Variants in VMP1 observed in about 807,000 individuals in gnomAD.
The protein encoded by VMP1 is ectopic P-granules autophagy protein 3 homolog.
VMP1 carries 11 observed loss-of-function variants against 56.0 expected under a neutral mutation model. The observed-to-expected ratio is 0.20, with a 90% CI of 0.12 to 0.32. The LOEUF is 0.32. Ranked by LOEUF, VMP1 falls within the 10% of genes least tolerant of loss-of-function variation. VMP1 has a pLI of 1.00. For synonymous variants in VMP1, 149 were observed against 165.0 expected, an observed-to-expected ratio of 0.90 and a Z score of 0.74; for missense variants, 296 against 490.3, an observed-to-expected ratio of 0.60 and a Z score of 3.74.
At chr17:59,741,536 CAA>C (rs2035225560) in intron 5 of VMP1, among the ~76,000 whole-genome samples, 1 of 152,068 alleles carries the variant, frequency 6.6e-6, no homozygotes, top group East Asian at 1.9e-4. Context: ...GAAGTACAAT[CAA>C]GAGTGTGGTA....
intron 10 of VMP1, among the ~76,000 whole-genome samples, chr17:59,825,291 C>G (rs2038611815): frequency 1.3e-5 from 2 of 151,694 alleles, no homozygotes; most frequent in Admixed American, 1.3e-4. Context: ...CTAGGCTGGT[C>G]TCAAACTCCT....
intron 9 of VMP1, among the ~76,000 whole-genome samples, chr17:59,813,305 C>T (rs940886806): frequency 6.6e-6 from 1 of 151,982 alleles, no homozygotes. Flanking sequence ...TGGCCAGATG[C>T]GGTGGCTCAC....
At chr17:59,812,572 A>T (rs558905652) in intron 9 of VMP1, among the ~76,000 whole-genome samples, 1 of 152,354 alleles carries the variant, frequency 6.6e-6, no homozygotes, top group South Asian at 2.1e-4. Flanking sequence ...ATAAAATAAA[A>T]ATTAACCTGG....
At chr17:59,821,956 C>A (rs2038470102) in intron 10 of VMP1, among the ~76,000 whole-genome samples, 1 of 151,916 alleles carries the variant, frequency 6.6e-6, no homozygotes, top group African/African-American at 2.4e-5. Flanking sequence ...GATTTTCCTG[C>A]CTCAGCCTCC....
At chr17:59,791,675 G>C (rs1306573276) in intron 7 of VMP1, among the ~76,000 whole-genome samples, 2 of 151,824 alleles carry the variant, frequency 1.3e-5, no homozygotes, top group Non-Finnish European at 2.9e-5. Flanking sequence ...TGTTGGCCAG[G>C]CTGGTCTTGA....
chr17:59,782,189 A>G (rs1007490023), intron 7 of VMP1, among the ~76,000 whole-genome samples: 1 of 152,166 alleles, frequency 6.6e-6, no homozygotes, highest in Non-Finnish European at 1.5e-5. Flanking sequence ...AATTACAGGC[A>G]TGAGCCACCG....
At chr17:59,816,976 A>T (rs1048181397) in intron 9 of VMP1, among the ~76,000 whole-genome samples, 1 of 133,930 alleles carries the variant, frequency 7.5e-6, no homozygotes, top group East Asian at 2.1e-4. Context: ...GAAAGAAAGA[A>T]AAAAAAAAAG....
intron 3 of VMP1, 59 bp downstream of exon 3, chr17:59,735,532 C>T: frequency 2.5e-6 from 4 of 1,577,694 alleles, no homozygotes; most frequent in South Asian, 2.2e-5. Flanking sequence ...TTAAAAAATC[C>T]TCAGTAATCT....
At chr17:59,803,664 G>A (rs1301258565) in intron 7 of VMP1, among the ~76,000 whole-genome samples, 2 of 151,998 alleles carry the variant, frequency 1.3e-5, no homozygotes, top group Non-Finnish European at 2.9e-5. Context: ...TTTAGTTTAT[G>A]GATTTTTGAA....
chr17:59,722,858 G>C (rs528771054), intron 1 of VMP1, among the ~76,000 whole-genome samples: 2 of 152,320 alleles, frequency 1.3e-5, no homozygotes, highest in South Asian at 4.1e-4. Context: ...GCCAGCCTAG[G>C]TGATAGAGCA....
intron 5 of VMP1, among the ~76,000 whole-genome samples, chr17:59,757,438 C>T (rs899366278): frequency 6.6e-6 from 1 of 151,884 alleles, no homozygotes; most frequent in Non-Finnish European, 1.5e-5. Context: ...TTTTTCTAAT[C>T]ACTAAAACTT....
chr17:59,791,135 G>A (rs899668929), intron 7 of VMP1, among the ~76,000 whole-genome samples: 6 of 149,772 alleles, frequency 4.0e-5, no homozygotes, highest in African/African-American at 1.5e-4. Context: ...GTTTAGCAAT[G>A]CATTTTGCTG....
intron 8 of VMP1, 124 bp downstream of exon 8, chr17:59,809,000 C>T: frequency 2.7e-6 from 2 of 750,592 alleles, no homozygotes; most frequent in Non-Finnish European, 4.1e-6. Flanking sequence ...GTGAATCATT[C>T]ACCTTTTTTT....
Position 59,731,411 on chromosome 17 carries a change from G to T in VMP1, c.-26-10G>T. On this transcript the variant is annotated splice_polypyrimidine_tract_variant and intron_variant, in intron 1 of 11. Coordinates refer to ENST00000262291, the MANE Select transcript of VMP1 (RefSeq NM_030938.5). Reference sequence around the variant, plus strand: ...GTAATGTATTGCTGGATTTTATTTTGCTGTATTAGCTCCTCAAGAGTTACT... The same window carrying T: ...GTAATGTATTGCTGGATTTTATTTTTCTGTATTAGCTCCTCAAGAGTTACT... 6.5e-7 allele frequency: 1 copy of T among 1,527,588 alleles called. No individual in the cohort carries two copies. Among genetic ancestry groups the T allele is most frequent in the Non-Finnish European group, 8.9e-7 (1 of 1,124,288 alleles). 94.6% of individuals were successfully genotyped at this position (1,527,588 alleles called of 1,614,324 possible).
At chr17:59,749,244 A>G (rs60451858) in intron 5 of VMP1, among the ~76,000 whole-genome samples, 28,689 of 151,618 alleles carry the variant, frequency 0.19, 3,345 homozygotes, top group East Asian at 0.44. Context: ...GGCGTGAGCC[A>G]CCATGCCCAG....
intron 10 of VMP1, among the ~76,000 whole-genome samples, chr17:59,829,845 T>G (rs926682263): frequency 3.0e-4 from 46 of 152,290 alleles, no homozygotes; most frequent in African/African-American, 1.1e-3. Context: ...GCCTTAAATG[T>G]AAAATTCAGT....
At position 59,821,539 on chromosome 17, in the gene VMP1, C is replaced by CTTTTT. The variant is rs530907168; in HGVS notation, c.974+3785_974+3789dup. ...TACAGGGATTACCTCAGCTACTTTT[C>CTTTTT]TTTTTTTTTTTTTTTTTTTTTTTGA... On this transcript the variant is annotated intron_variant, in intron 10 of 11. Coordinates refer to ENST00000262291, the MANE Select transcript of VMP1 (RefSeq NM_030938.5). 3.3e-3 allele frequency among the ~76,000 whole-genome samples: 343 copies of CTTTTT among 104,574 alleles called. 4 individuals are homozygous for CTTTTT. The highest frequency in any genetic ancestry group is 6.6e-3 in the East Asian group (26 of 3,910). The allele number at this position is 104,574 out of a possible 152,430, so 68.6% of individuals were successfully genotyped here. A position where few individuals can be genotyped will look rare whatever the true frequency, so the allele number is the denominator to read the frequency against.
chr17:59,828,290 A>G (rs2038706492), intron 10 of VMP1, among the ~76,000 whole-genome samples: 2 of 152,184 alleles, frequency 1.3e-5, no homozygotes, highest in Non-Finnish European at 2.9e-5. Context: ...AGGAAGTCTA[A>G]CCTCCAATCT....
chr17:59,748,211 A>AAC (rs1568071136), intron 5 of VMP1, among the ~76,000 whole-genome samples: 3 of 149,640 alleles, frequency 2.0e-5, no homozygotes, highest in South Asian at 2.1e-4. Context: ...AAAAAAAAAA[A>AAC]AAAAAACCTT....
Sources: gnomAD v4.1 joint callset for allele counts (sites outside exome capture counted in the v4.1 genomes callset) on GRCh38, gnomAD v4.1.1 for gene constraint, MANE v1.5 for transcripts, NCBI Gene and HGNC (gene_info 2026-07-23, HGNC 2026-07-21) for gene names.